The following BCAS1 variants were observed in gnomAD, a reference collection of about 807,000 sequenced individuals.
BCAS1 encodes brain enriched myelin associated protein 1.
BCAS1 carries 46 observed loss-of-function variants against 65.4 expected under a neutral mutation model. That is an observed-to-expected ratio of 0.70 (90% CI 0.55 to 0.90). The LOEUF is 0.90. Among genes scored for constraint, BCAS1 ranks in the 40% least tolerant of loss-of-function variants. The pLI, the probability that BCAS1 is intolerant of heterozygous loss-of-function variation, is 0.00. For missense variants in BCAS1, 793 were observed against 771.2 expected (o/e 1.03, Z -0.33); for synonymous variants, 298 against 293.5 (o/e 1.02, Z -0.16).
chr20:54,051,288 T>A (rs1213412751), intron 3 of BCAS1, among the ~76,000 whole-genome samples: 1 of 152,180 alleles, frequency 6.6e-6, no homozygotes, highest in Non-Finnish European at 1.5e-5. Context: ...TCCACCAAAG[T>A]TTGCATGTGA....
At chr20:54,037,133 C>G (rs549830246) in intron 3 of BCAS1, among the ~76,000 whole-genome samples, 2 of 151,266 alleles carry the variant, frequency 1.3e-5, no homozygotes, top group Admixed American at 1.3e-4. Context: ...CTATAAAGAG[C>G]TGCCCAAGAC....
intron 4 of BCAS1, among the ~76,000 whole-genome samples, chr20:54,017,891 A>G (rs905486934): frequency 3.9e-5 from 6 of 152,192 alleles, no homozygotes; most frequent in Admixed American, 1.3e-4. Context: ...AATGTTACGG[A>G]AAACAAACAA....
intron 10 of BCAS1, among the ~76,000 whole-genome samples, chr20:53,960,488 AAAAAAAAAG>A (rs1419859228): frequency 1.4e-5 from 2 of 140,232 alleles, no homozygotes; most frequent in African/African-American, 5.3e-5. Flanking sequence ...AAAAAAAAAA[AAAAAAAAAG>A]AGAGAGAGAG....
chr20:54,058,587 G>A, intron 2 of BCAS1, 60 bp downstream of exon 2: 1 of 1,528,260 alleles, frequency 6.5e-7, no homozygotes, highest in Non-Finnish European at 8.7e-7. Flanking sequence ...TCAAATACAG[G>A]AAGTTCTTTT....
intron 8 of BCAS1, among the ~76,000 whole-genome samples, chr20:53,981,586 A>G (rs1364951389): frequency 6.7e-6 from 1 of 150,116 alleles, no homozygotes; most frequent in African/African-American, 2.5e-5. Flanking sequence ...CACGAAAGAT[A>G]GATGTCATTG....
intron 3 of BCAS1, among the ~76,000 whole-genome samples, chr20:54,044,821 G>A (rs116539938): frequency 0.018 from 2,649 of 147,796 alleles, 80 homozygotes; most frequent in African/African-American, 0.063. Flanking sequence ...TTGGGCAGCG[G>A]AAGGAGACTC....
intron 1 of BCAS1, 105 bp downstream of exon 1, chr20:54,070,328 G>A (rs150469013): frequency 6.6e-6 from 1 of 152,424 alleles, no homozygotes; most frequent in Non-Finnish European, 1.5e-5. Flanking sequence ...AGAAGGCAGA[G>A]CTGGGATCAA....
chr20:54,017,842 T>C (rs2091472050), intron 4 of BCAS1, among the ~76,000 whole-genome samples: 1 of 152,168 alleles, frequency 6.6e-6, no homozygotes, highest in Non-Finnish European at 1.5e-5. Context: ...CCTTCCAGAC[T>C]GGTGACAGCA....
chr20:53,996,694 C>A (rs1214074191), intron 4 of BCAS1, among the ~76,000 whole-genome samples: 1 of 152,106 alleles, frequency 6.6e-6, no homozygotes, highest in Non-Finnish European at 1.5e-5. Flanking sequence ...CTTCTGACTG[C>A]AACAGCCCTG....
At chr20:54,066,661 A>G (rs1458932642) in intron 1 of BCAS1, among the ~76,000 whole-genome samples, 1 of 152,248 alleles carries the variant, frequency 6.6e-6, no homozygotes, top group Non-Finnish European at 1.5e-5. Flanking sequence ...GTGTGAGGAC[A>G]CAGCAAGAAG....
At chr20:54,015,279 C>T (rs1046139725) in intron 4 of BCAS1, among the ~76,000 whole-genome samples, 77 of 151,964 alleles carry the variant, frequency 5.1e-4, no homozygotes, top group South Asian at 1.5e-3. Flanking sequence ...TGATCCACCC[C>T]CCTTGGCCTC....
chr20:54,003,340 C>T (rs776987920), intron 4 of BCAS1, among the ~76,000 whole-genome samples: 3 of 150,378 alleles, frequency 2.0e-5, no homozygotes, highest in Non-Finnish European at 4.4e-5. Context: ...GGAGTAAATT[C>T]TTTTTTCTAT....
At chr20:53,977,314 CCT>C (rs2090360572) in intron 8 of BCAS1, among the ~76,000 whole-genome samples, 1 of 152,146 alleles carries the variant, frequency 6.6e-6, no homozygotes, top group Admixed American at 6.5e-5. Flanking sequence ...AAACTGCACC[CCT>C]TTTTCTCTGA....
chr20:53,947,954 C>T (rs2089383331), intron 12 of BCAS1, among the ~76,000 whole-genome samples: 1 of 152,156 alleles, frequency 6.6e-6, no homozygotes, highest in African/African-American at 2.4e-5. Context: ...CATGCTAACC[C>T]TGTGACGTCA....
At position 53,968,050 on chromosome 20, in the gene BCAS1, G is replaced by A. The variant is rs550406682; in HGVS notation, c.1318-977C>T. Among the ~76,000 whole-genome samples, 9 of 152,330 alleles carry A rather than the reference G, an allele frequency of 5.9e-5. No homozygotes were observed. The South Asian group carries it at 1.9e-3, about 32-fold the overall frequency. On this transcript the variant is annotated intron_variant, in intron 9 of 12. Coordinates refer to ENST00000688948, the MANE Select transcript of BCAS1 (RefSeq NM_001366298.2). Reference sequence around the variant, plus strand: ...TTTTATTTATTTATTTAAGAAATGAGGTCGTGCTACGTTGCCCATGCTGGC... The same window carrying A: ...TTTTATTTATTTATTTAAGAAATGAAGTCGTGCTACGTTGCCCATGCTGGC...
chr20:54,014,428 G>A (rs1478427243), intron 4 of BCAS1, among the ~76,000 whole-genome samples: 1 of 152,144 alleles, frequency 6.6e-6, no homozygotes, highest in Non-Finnish European at 1.5e-5. Flanking sequence ...AGGCCCATAT[G>A]GAACTTCTGG....
At chr20:53,977,716 T>C (rs2090370205) in intron 8 of BCAS1, among the ~76,000 whole-genome samples, 1 of 152,186 alleles carries the variant, frequency 6.6e-6, no homozygotes, top group African/African-American at 2.4e-5. Flanking sequence ...TCCACATCTT[T>C]CTGATGTTTT....
At chr20:53,953,339 A>C in intron 12 of BCAS1, 93 bp downstream of exon 12, 3 of 1,479,404 alleles carry the variant, frequency 2.0e-6, no homozygotes, top group Non-Finnish European at 2.8e-6. Flanking sequence ...CCCAGTGTGA[A>C]GAGCCACATG....
At chr20:54,022,355 C>T (rs1164497669) in intron 4 of BCAS1, among the ~76,000 whole-genome samples, 1 of 152,158 alleles carries the variant, frequency 6.6e-6, no homozygotes, top group Non-Finnish European at 1.5e-5. Context: ...CTAAATGATA[C>T]ACTATTCAAA....
Sources: allele counts gnomAD v4.1 joint callset (sites outside exome capture counted in the v4.1 genomes callset), GRCh38; gene constraint gnomAD v4.1.1; transcripts MANE v1.5; gene names NCBI Gene and HGNC (gene_info 2026-07-23, HGNC 2026-07-21).